Variants in CLIC5 observed in about 807,000 individuals in gnomAD.
The protein encoded by CLIC5 is chloride intracellular channel protein 5.
In CLIC5, 20 loss-of-function variants were observed where a neutral mutation model predicts 24.7. The ratio of observed to expected loss-of-function variants is 0.81; its 90% confidence interval spans 0.57 to 1.18. The LOEUF is 1.18. CLIC5 is among the 50% of genes most tolerant of loss of function. The pLI is 0.00. For missense variants in CLIC5, 341 were observed against 326.1 expected (o/e 1.05, Z -0.35); for synonymous variants, 159 against 135.6 (o/e 1.17, Z -1.20).
chr6:45,994,559 G>A (rs1766058361), intron 1 of CLIC5, among the ~76,000 whole-genome samples: 1 of 152,092 alleles, frequency 6.6e-6, no homozygotes, highest in Non-Finnish European at 1.5e-5. Flanking sequence ...CATGGCACAT[G>A]TATACCTATG....
chr6:45,938,464 G>C (rs747650249), intron 4 of CLIC5, among the ~76,000 whole-genome samples: 1 of 152,186 alleles, frequency 6.6e-6, no homozygotes, highest in Non-Finnish European at 1.5e-5. Flanking sequence ...AGGAATGTGT[G>C]GTGTCTTGTT....
At chr6:45,972,527 G>T (rs922693448) in intron 1 of CLIC5, among the ~76,000 whole-genome samples, 2 of 152,212 alleles carry the variant, frequency 1.3e-5, no homozygotes, top group Admixed American at 6.5e-5. Context: ...CCCTAAGAGG[G>T]ATAGTTTTCT....
upstream of CLIC5, among the ~76,000 whole-genome samples, chr6:46,084,893 C>T (rs1021400210): frequency 6.9e-4 from 105 of 152,332 alleles, no homozygotes; most frequent in African/African-American, 2.4e-3. Flanking sequence ...CCATTCTCCC[C>T]GTCACTTTCA....
At chr6:45,933,932 G>GCAGCAGGAAGT (rs1473560879) in intron 4 of CLIC5, among the ~76,000 whole-genome samples, 1 of 152,230 alleles carries the variant, frequency 6.6e-6, no homozygotes, top group Non-Finnish European at 1.5e-5. Context: ...AGGAGTCAGA[G>GCAGCAGGAAGT]CAGCAGGAAG....
chr6:45,909,080 T>C (rs1762741105), intron 5 of CLIC5, among the ~76,000 whole-genome samples: 1 of 152,070 alleles, frequency 6.6e-6, no homozygotes, highest in Admixed American at 6.5e-5. Flanking sequence ...TGGTATGTTT[T>C]ACCTGATATG....
chr6:45,935,157 A>C (rs1763883892), intron 4 of CLIC5, among the ~76,000 whole-genome samples: 1 of 152,230 alleles, frequency 6.6e-6, no homozygotes, highest in Non-Finnish European at 1.5e-5. Context: ...AAAATGTAAG[A>C]CAGATATTCA....
At chr6:46,061,781 C>CT (rs1278078058) in intron 1 of CLIC5, among the ~76,000 whole-genome samples, 1 of 152,152 alleles carries the variant, frequency 6.6e-6, no homozygotes, top group African/African-American at 2.4e-5. Context: ...CACAGATGTT[C>CT]TTTTTCAGTG....
chr6:45,912,527 G>A, intron 5 of CLIC5: 1 of 1,373,194 alleles, frequency 7.3e-7, no homozygotes, highest in East Asian at 2.8e-5. Flanking sequence ...AAGAAGAAAG[G>A]AAAAGAAGGC....
chr6:45,883,593 C>T (rs1581701803), intron 6 of CLIC5, among the ~76,000 whole-genome samples: 2 of 152,174 alleles, frequency 1.3e-5, no homozygotes, highest in East Asian at 3.9e-4. Flanking sequence ...GTGTACTGTG[C>T]TGGTTGCTGG....
At chr6:45,926,619 G>A (rs902208598) in intron 4 of CLIC5, among the ~76,000 whole-genome samples, 1 of 152,074 alleles carries the variant, frequency 6.6e-6, no homozygotes, top group Non-Finnish European at 1.5e-5. Flanking sequence ...AGGGGTCTTA[G>A]AAAAATAATT....
At chr6:45,885,656 T>C (rs1561910431) in intron 6 of CLIC5, among the ~76,000 whole-genome samples, 1 of 152,210 alleles carries the variant, frequency 6.6e-6, no homozygotes, top group Non-Finnish European at 1.5e-5. Context: ...ATCTTCTGAA[T>C]CTCATTTCGG....
At chr6:46,110,979 G>A in the CLIC5 span, among the ~76,000 whole-genome samples, 1 of 152,218 alleles carries the variant, frequency 6.6e-6, no homozygotes, top group South Asian at 2.1e-4. Context: ...GGGAACTGGG[G>A]AGAGAAAAAA....
rs545908051 is a variant in CLIC5 at position 45,959,185 on chromosome 6, C to T, written c.64-3941G>A. ...GAAAATGGAGATTTATTTAAGACCG[C>T]GGTTCTCAAACTTTTTAGTCTTAGA... On this transcript the variant is annotated intron_variant, in intron 1 of 5. Transcript: ENST00000339561. 4.9e-4 allele frequency among the ~76,000 whole-genome samples: 75 copies of T among 152,252 alleles called. 1 individual carries two copies. Among genetic ancestry groups the T allele is most frequent in the South Asian group, 4.1e-3 (20 of 4,826 alleles).
intron 1 of CLIC5, among the ~76,000 whole-genome samples, chr6:46,047,842 A>T (rs200441970): frequency 1.3e-5 from 2 of 151,326 alleles, no homozygotes; most frequent in Admixed American, 6.6e-5. Flanking sequence ...TTTCAAAAAA[A>T]ACAGAAAAAA....
chr6:46,106,905 A>G, the CLIC5 span, among the ~76,000 whole-genome samples: 1 of 152,344 alleles, frequency 6.6e-6, no homozygotes, highest in South Asian at 2.1e-4. Context: ...AATGCCTTTT[A>G]AACTAGTGAG....
intron 1 of CLIC5, among the ~76,000 whole-genome samples, chr6:46,021,559 A>T (rs7741155): frequency 4.1e-5 from 6 of 147,718 alleles, no homozygotes; most frequent in East Asian, 1.9e-4. Context: ...TAAATGAATT[A>T]AAAAAAGTGA....
intron 4 of CLIC5, chr6:45,932,633 A>AC (rs1763783130): frequency 6.6e-6 from 1 of 152,328 alleles, no homozygotes; most frequent in South Asian, 2.1e-4. Context: ...AGATGGGAGG[A>AC]CAGGGATGAG....
rs377553237 is a variant in CLIC5, at chr6:46,006,436, G to A, written c.63+9044C>T. Among the ~76,000 whole-genome samples, 13 of 151,658 alleles carry A rather than the reference G, an allele frequency of 8.6e-5. 1 individual carries two copies. Among genetic ancestry groups the A allele is most frequent in the South Asian group, 2.1e-4 (1 of 4,794 alleles). On this transcript the variant is annotated intron_variant, in intron 1 of 5. Transcript: ENST00000339561. ...TGGGATTACAGATGTGAGCCACTGC[G>A]CCTGGCCCCTAACTTACATTTTTAT... is the stretch of plus-strand genomic sequence containing the variant.
At chr6:45,980,138 A>G (rs1400970000) in intron 1 of CLIC5, among the ~76,000 whole-genome samples, 3 of 152,012 alleles carry the variant, frequency 2.0e-5, no homozygotes, top group Middle Eastern at 3.4e-3. Flanking sequence ...TTATCCCAGC[A>G]CTGTTTATTG....
Sources: gnomAD v4.1 joint callset for allele counts (sites outside exome capture counted in the v4.1 genomes callset) on GRCh38, gnomAD v4.1.1 for gene constraint, MANE v1.5 for transcripts, NCBI Gene and HGNC (gene_info 2026-07-23, HGNC 2026-07-21) for gene names.